The following RBFOX2 variants were observed in gnomAD, a reference collection of about 807,000 sequenced individuals.
The protein encoded by RBFOX2 is RNA binding fox-1 homolog 2, also known as RNA binding protein fox-1 homolog 2.
RBFOX2 carries 10 observed loss-of-function variants against 49.1 expected under a neutral mutation model. The ratio of observed to expected loss-of-function variants is 0.20; its 90% confidence interval spans 0.13 to 0.35. The LOEUF is 0.35. Ranked by LOEUF, RBFOX2 falls within the 10% of genes least tolerant of loss-of-function variation. The probability of loss-of-function intolerance (pLI) is 1.00; values close to 1 mark genes in which losing one functional copy is unlikely to be tolerated. For synonymous variants in RBFOX2, 183 were observed against 187.4 expected (o/e 0.98, Z 0.19); for missense variants, 323 against 486.9 (o/e 0.66, Z 3.17).
At chr22:35,831,598 A>G (rs1956815719) in intron 1 of RBFOX2, among the ~76,000 whole-genome samples, 1 of 152,248 alleles carries the variant, frequency 6.6e-6, no homozygotes, top group African/African-American at 2.4e-5. Context: ...TCAATGCTTC[A>G]TCAGCACAGC....
intron 1 of RBFOX2, chr22:35,821,688 T>C (rs943144965): frequency 1.6e-5 from 8 of 511,580 alleles, no homozygotes; most frequent in Non-Finnish European, 3.1e-5. Flanking sequence ...CTTCTTTTAA[T>C]AGTTCCCTAA....
At chr22:35,773,512 T>C (rs896060672) in intron 4 of RBFOX2, among the ~76,000 whole-genome samples, 6 of 152,050 alleles carry the variant, frequency 3.9e-5, no homozygotes, top group Non-Finnish European at 4.4e-5. Context: ...TATGAATGTA[T>C]CAGATTATCA....
intron 1 of RBFOX2, among the ~76,000 whole-genome samples, chr22:35,900,714 A>G (rs2048465979): frequency 6.6e-6 from 1 of 152,174 alleles, no homozygotes; most frequent in African/African-American, 2.4e-5. Flanking sequence ...AATGTGACAC[A>G]TGGACCAGCA....
At chr22:35,962,754 AAAT>A (rs1280036938), upstream of RBFOX2, among the ~76,000 whole-genome samples, 1 of 152,074 alleles carries the variant, frequency 6.6e-6, no homozygotes, top group African/African-American at 2.4e-5. Context: ...CACTCTCCCT[AAAT>A]AATGACTAAA....
intron 1 of RBFOX2, among the ~76,000 whole-genome samples, chr22:35,983,782 G>A (rs2057575598): frequency 6.6e-6 from 1 of 152,138 alleles, no homozygotes. Flanking sequence ...CTAGAACTAT[G>A]ACCCATGACC....
intron 1 of RBFOX2, chr22:35,993,970 G>C (rs569122837): frequency 2.6e-5 from 4 of 152,130 alleles, no homozygotes; most frequent in Non-Finnish European, 5.9e-5. Flanking sequence ...CTGGGAGACA[G>C]AACGAGACTG....
intron 1 of RBFOX2, among the ~76,000 whole-genome samples, chr22:35,880,306 T>C (rs748922280): frequency 5.3e-5 from 8 of 152,062 alleles, no homozygotes; most frequent in Non-Finnish European, 1.0e-4. Flanking sequence ...AACAGAAAGA[T>C]GTCATTATCT....
chr22:35,968,118 A>G (rs563925576), intron 1 of RBFOX2, among the ~76,000 whole-genome samples: 5 of 152,336 alleles, frequency 3.3e-5, no homozygotes, highest in African/African-American at 1.2e-4. Context: ...GGTTACCAAA[A>G]AAAAAGCCAA....
chr22:35,835,946 C>T (rs900182868), intron 1 of RBFOX2, among the ~76,000 whole-genome samples: 1 of 147,666 alleles, frequency 6.8e-6, no homozygotes, highest in Non-Finnish European at 1.5e-5. Context: ...AAAAGTGAGG[C>T]TTTTTTTTTT....
chr22:35,835,358 T>C (rs1957470138), intron 1 of RBFOX2, among the ~76,000 whole-genome samples: 1 of 152,134 alleles, frequency 6.6e-6, no homozygotes, highest in African/African-American at 2.4e-5. Flanking sequence ...CTGTCTACCA[T>C]AAACAGATGT....
chr22:35,945,523 C>T lies in RBFOX2; in HGVS notation c.43-6626G>A, dbSNP rs140097412. Among the ~76,000 whole-genome samples the T allele has an allele frequency of 3.3e-3, 499 of 152,256 alleles. 1 individual carries two copies. Among genetic ancestry groups the T allele is most frequent in the African/African-American group, 0.011 (466 of 41,550 alleles). On this transcript the variant is annotated intron_variant, in intron 1 of 5. Coordinates refer to the RBFOX2 transcript ENST00000408983. ...TGGCATGAACATGGCTCATTGCAGC[C>T]TCGACCTCGCAGACCCAAGCGATCC...
At chr22:35,814,500 G>A (rs1312885226) in intron 1 of RBFOX2, among the ~76,000 whole-genome samples, 2 of 151,854 alleles carry the variant, frequency 1.3e-5, no homozygotes, top group African/African-American at 4.8e-5. Flanking sequence ...CTTGAGCCCA[G>A]GAGTTTGAGA....
intron 9 of RBFOX2, among the ~76,000 whole-genome samples, chr22:35,754,594 G>T (rs1008666949): frequency 5.3e-5 from 8 of 152,212 alleles, no homozygotes; most frequent in Admixed American, 2.0e-4. Flanking sequence ...GTATATGGGA[G>T]AATGTACATG....
chr22:36,020,310 G>T (rs1363292082), intron 1 of RBFOX2, among the ~76,000 whole-genome samples: 1 of 152,122 alleles, frequency 6.6e-6, no homozygotes, highest in African/African-American at 2.4e-5. Context: ...AGAAAACCTA[G>T]GCAATACCAT....
intron 5 of RBFOX2, among the ~76,000 whole-genome samples, chr22:35,767,032 G>T (rs1941196677): frequency 6.6e-6 from 1 of 152,166 alleles, no homozygotes; most frequent in South Asian, 2.1e-4. Flanking sequence ...AACAGGAAAA[G>T]TAGGGAAGGA....
intron 1 of RBFOX2, among the ~76,000 whole-genome samples, chr22:36,001,002 TAATA>T (rs2058392075): frequency 6.6e-6 from 1 of 152,132 alleles, no homozygotes; most frequent in Non-Finnish European, 1.5e-5. Flanking sequence ...GTCACAAAAC[TAATA>T]AATGATAGCA....
At position 35,821,333 on chromosome 22, in the gene RBFOX2, G is replaced by C. The variant is rs559239857; in HGVS notation, c.28-11329C>G. Among the ~76,000 whole-genome samples, 5 of 152,154 alleles carry C rather than the reference G, an allele frequency of 3.3e-5. No individual in the cohort carries two copies. The East Asian group carries it at 9.7e-4, about 29-fold the overall frequency. Reference sequence around the variant, plus strand: ...CAGCAGTAGCCTGGCCAGGCGTGTTGGCTCACACCTGTAATCCCAGCACTT... The same window carrying C: ...CAGCAGTAGCCTGGCCAGGCGTGTTCGCTCACACCTGTAATCCCAGCACTT... On this transcript the variant is annotated intron_variant, in intron 1 of 11. Transcript: ENST00000405409.
intron 1 of RBFOX2, among the ~76,000 whole-genome samples, chr22:35,812,088 C>T (rs1315651829): frequency 6.6e-6 from 1 of 151,970 alleles, no homozygotes; most frequent in East Asian, 1.9e-4. Context: ...TGGTGAAACT[C>T]CATCCCTATT....
At chr22:35,905,200 A>G (rs2048991339) in intron 1 of RBFOX2, among the ~76,000 whole-genome samples, 1 of 152,196 alleles carries the variant, frequency 6.6e-6, no homozygotes, top group Non-Finnish European at 1.5e-5. Context: ...GGAACTGGGA[A>G]GCAGTGGGGA....
Sources: gnomAD v4.1 joint callset for allele counts (sites outside exome capture counted in the v4.1 genomes callset) on GRCh38, gnomAD v4.1.1 for gene constraint, MANE v1.5 for transcripts, NCBI Gene and HGNC (gene_info 2026-07-23, HGNC 2026-07-21) for gene names.